The following TMEM132D variants were observed in gnomAD, a reference collection of about 807,000 sequenced individuals.
The protein encoded by TMEM132D is transmembrane protein 132D, also known as mature OL transmembrane protein.
Under a neutral mutation model 62.3 loss-of-function variants are expected in TMEM132D, and 21 were observed. The ratio of observed to expected loss-of-function variants is 0.34; its 90% CI spans 0.24 to 0.49. The LOEUF (loss-of-function observed/expected upper bound fraction) is 0.49, where lower values mean the gene tolerates loss of function less well. Ranked by LOEUF, TMEM132D falls within the 20% of genes least tolerant of loss-of-function variation. The probability of loss-of-function intolerance (pLI) is 0.99; values close to 1 mark genes in which losing one functional copy is unlikely to be tolerated. For synonymous variants in TMEM132D, 621 were observed against 575.6 expected (o/e 1.08, Z -1.13); for missense variants, 1,346 against 1,402.8 (o/e 0.96, Z 0.65).
intron 2 of TMEM132D, among the ~76,000 whole-genome samples, chr12:129,555,101 G>A (rs1306714937): frequency 6.6e-6 from 1 of 152,178 alleles, no homozygotes; most frequent in African/African-American, 2.4e-5. Context: ...GACAATAATA[G>A]GATTGTAGCA....
intron 3 of TMEM132D, among the ~76,000 whole-genome samples, chr12:129,352,282 T>C (rs949444289): frequency 6.6e-6 from 1 of 152,162 alleles, no homozygotes; most frequent in Non-Finnish European, 1.5e-5. Context: ...TCTTGCAAAA[T>C]ATAGTAATAA....
chr12:129,527,125 G>A lies in TMEM132D; in HGVS notation c.1115+3934C>T, dbSNP rs555064462. Among the ~76,000 whole-genome samples the A allele has an allele frequency of 6.6e-5, 10 of 152,184 alleles. 2 individuals carry two copies. The highest frequency in any genetic ancestry group is 1.4e-4 in the African/African-American group (6 of 41,524). ...GGAGTTTGAGACCAGCTTGGGCAAC[G>A]GGGCAAAACCCCACCTCTACTATAT... is the stretch of plus-strand genomic sequence containing the variant. On this transcript the variant is annotated intron_variant, in intron 3 of 8. Transcript: ENST00000422113.
At chr12:129,724,767 C>T (rs1313341133) in intron 1 of TMEM132D, among the ~76,000 whole-genome samples, 1 of 152,182 alleles carries the variant, frequency 6.6e-6, no homozygotes, top group African/African-American at 2.4e-5. Context: ...AGATGATCTG[C>T]CTGCCTTGGC....
intron 2 of TMEM132D, among the ~76,000 whole-genome samples, chr12:129,607,391 C>T (rs1034044203): frequency 6.6e-6 from 1 of 152,174 alleles, no homozygotes; most frequent in Non-Finnish European, 1.5e-5. Flanking sequence ...GCTTGGCATG[C>T]AGAATTCCTA....
intron 2 of TMEM132D, among the ~76,000 whole-genome samples, chr12:129,697,245 G>A (rs1446452456): frequency 6.6e-6 from 1 of 152,206 alleles, no homozygotes; most frequent in Non-Finnish European, 1.5e-5. Flanking sequence ...GGATCCTTGA[G>A]GGTTATTTAT....
chr12:129,685,237 C>T (rs946846316), intron 2 of TMEM132D, among the ~76,000 whole-genome samples: 2 of 152,112 alleles, frequency 1.3e-5, no homozygotes, highest in Admixed American at 6.5e-5. Flanking sequence ...TCACAGTAGC[C>T]CTTCTGATCA....
At chr12:129,318,908 A>G (rs1215938471) in intron 4 of TMEM132D, among the ~76,000 whole-genome samples, 2 of 152,084 alleles carry the variant, frequency 1.3e-5, no homozygotes, top group East Asian at 1.9e-4. Flanking sequence ...AGTGGGGGAA[A>G]GCTGGCAGTC....
intron 4 of TMEM132D, among the ~76,000 whole-genome samples, chr12:129,291,956 G>C (rs921922705): frequency 6.6e-6 from 1 of 152,040 alleles, no homozygotes; most frequent in African/African-American, 2.4e-5. Flanking sequence ...TAAGGGGGAT[G>C]GGGGGAGTAA....
chr12:129,641,442 G>A (rs1373714469), intron 2 of TMEM132D, among the ~76,000 whole-genome samples: 4 of 152,142 alleles, frequency 2.6e-5, no homozygotes, highest in Admixed American at 6.5e-5. Flanking sequence ...ACTAAATACC[G>A]TTGGTGAGCA....
intron 3 of TMEM132D, among the ~76,000 whole-genome samples, chr12:129,414,312 A>G (rs758083291): frequency 9.2e-5 from 14 of 152,228 alleles, no homozygotes; most frequent in Non-Finnish European, 1.0e-4. Flanking sequence ...GATGCATTCA[A>G]TAACTATACG....
At chr12:129,233,279 A>G (rs1036886663) in intron 4 of TMEM132D, among the ~76,000 whole-genome samples, 4 of 152,224 alleles carry the variant, frequency 2.6e-5, no homozygotes, top group African/African-American at 9.6e-5. Flanking sequence ...CATCATCTGC[A>G]CGCAACAGTT....
At chr12:129,359,165 G>T (rs559388499) in intron 3 of TMEM132D, among the ~76,000 whole-genome samples, 1 of 152,256 alleles carries the variant, frequency 6.6e-6, no homozygotes, top group South Asian at 2.1e-4. Context: ...AGTGAAATAA[G>T]CCAGACACAT....
At chr12:129,193,741 T>A (rs902049387) in intron 5 of TMEM132D, among the ~76,000 whole-genome samples, 21 of 152,258 alleles carry the variant, frequency 1.4e-4, no homozygotes, top group Admixed American at 1.3e-4. Context: ...AAGCAACTGC[T>A]ACATACCAGG....
intron 3 of TMEM132D, among the ~76,000 whole-genome samples, chr12:129,387,620 C>T (rs946195892): frequency 2.0e-5 from 3 of 152,042 alleles, no homozygotes; most frequent in African/African-American, 7.2e-5. Flanking sequence ...CTAATGCCAC[C>T]ACTAACAATA....
chr12:129,582,092 T>C (rs1877880782), intron 2 of TMEM132D, among the ~76,000 whole-genome samples: 1 of 152,226 alleles, frequency 6.6e-6, no homozygotes, highest in African/African-American at 2.4e-5. Flanking sequence ...TCTGGTTTTA[T>C]TTCCCGTCTT....
chr12:129,077,650 G>A (rs1468268021), intron 8 of TMEM132D, among the ~76,000 whole-genome samples: 2 of 149,052 alleles, frequency 1.3e-5, no homozygotes, highest in Admixed American at 6.7e-5. Flanking sequence ...ACATGCATAC[G>A]GACACACATA....
chr12:129,564,938 C>A (rs541866606), intron 2 of TMEM132D, among the ~76,000 whole-genome samples: 1 of 152,048 alleles, frequency 6.6e-6, no homozygotes, highest in Admixed American at 6.6e-5. Context: ...AGTGGGGAGC[C>A]CCTGAGAAAG....
At chr12:129,534,301 A>C (rs572861268) in intron 2 of TMEM132D, among the ~76,000 whole-genome samples, 1 of 152,154 alleles carries the variant, frequency 6.6e-6, no homozygotes, top group Admixed American at 6.5e-5. Flanking sequence ...GGAAAGCCAT[A>C]ATTTTCCCCA....
intron 3 of TMEM132D, among the ~76,000 whole-genome samples, chr12:129,344,435 A>T (rs920977805): frequency 9.2e-5 from 14 of 152,186 alleles, no homozygotes; most frequent in African/African-American, 2.2e-4. Flanking sequence ...AGTGGGGTGC[A>T]TATACCTGGG....
Sources: gnomAD v4.1 joint callset for allele counts (sites outside exome capture counted in the v4.1 genomes callset) on GRCh38, gnomAD v4.1.1 for gene constraint, MANE v1.5 for transcripts, NCBI Gene and HGNC (gene_info 2026-07-23, HGNC 2026-07-21) for gene names.